Variants in KIAA1614 observed in about 807,000 individuals in gnomAD.
The protein encoded by KIAA1614 is uncharacterized protein KIAA1614.
KIAA1614 carries 76 observed loss-of-function variants against 88.7 expected under a neutral mutation model. The observed-to-expected ratio is 0.86, with a 90% CI of 0.71 to 1.04. KIAA1614 has a LOEUF of 1.04. Ranked by LOEUF, KIAA1614 falls within the 50% of genes least tolerant of loss-of-function variation. KIAA1614 has a pLI of 0.00. For synonymous variants in KIAA1614, 714 were observed against 675.5 expected (o/e 1.06, Z -0.88); for missense variants, 1,553 against 1,582.5 (o/e 0.98, Z 0.32).
intron 4 of KIAA1614, among the ~76,000 whole-genome samples, chr1:180,928,919 C>G (rs1055080384): frequency 2.6e-5 from 4 of 152,184 alleles, no homozygotes; most frequent in African/African-American, 9.7e-5. Context: ...ACTGTTAACT[C>G]CACCTGGAAA....
rs1217741529 is a variant in KIAA1614 at position 180,948,824 on chromosome 1, G to C, written c.*3236G>C. 2 of 152,294 alleles carry C rather than the reference G, an allele frequency of 1.3e-5. No homozygotes were observed. The highest frequency in any genetic ancestry group is 3.8e-4 in the East Asian group (2 of 5,204). The allele number at this position is 152,294 out of a possible 1,614,324, so 9.4% of individuals were successfully genotyped here. A position where few individuals can be genotyped will look rare whatever the true frequency, so the allele number is the denominator to read the frequency against. On this transcript the variant is annotated 3_prime_UTR_variant, in exon 9 of 9. Coordinates refer to ENST00000367588, the MANE Select transcript of KIAA1614 (RefSeq NM_020950.2). ...TCGGCTTGGCCAAGAAGCAACAAAA[G>C]GGATTCTACACCTCAGACCAGGGAG...
chr1:180,945,229 T>C (rs2102278168), intron 8 of KIAA1614, 74 bp from the exon 9 acceptor site: 1 of 1,476,244 alleles, frequency 6.8e-7, no homozygotes, highest in South Asian at 1.3e-5. Context: ...GCATCGGTCA[T>C]CTGTAAGCCA....
chr1:180,936,789 A>C, intron 5 of KIAA1614, 119 bp downstream of exon 5: 1 of 646,118 alleles, frequency 1.5e-6, no homozygotes, highest in Non-Finnish European at 2.5e-6. Context: ...CTCAATAGTC[A>C]GATGGCAGCG....
Position 180,945,639 on chromosome 1 carries a change from C to T in KIAA1614, c.*51C>T, listed in dbSNP as rs1558074197. ...AGCCTCTGACTACAGGACTAGGCTT[C>T]TCCCCTCAGGGGCTCTTTCTGAATT... On this transcript the variant is annotated 3_prime_UTR_variant, in exon 9 of 9. Coordinates refer to ENST00000367588, the MANE Select transcript of KIAA1614 (RefSeq NM_020950.2). 6.5e-7 allele frequency: 1 copy of T among 1,527,460 alleles called. No individual in the cohort carries two copies. The highest frequency in any genetic ancestry group is 1.3e-5 in the South Asian group (1 of 79,246). The allele number at this position is 1,527,460 out of a possible 1,614,324, so 94.6% of individuals were successfully genotyped here. A position where few individuals can be genotyped will look rare whatever the true frequency, so the allele number is the denominator to read the frequency against.
chr1:180,923,406 G>A (rs1021904622), intron 3 of KIAA1614, among the ~76,000 whole-genome samples: 35 of 152,172 alleles, frequency 2.3e-4, no homozygotes, highest in African/African-American at 8.2e-4. Context: ...AGATTCCAAG[G>A]GTTTAGGAGC....
Position 180,938,687 on chromosome 1 carries a change from G to A in KIAA1614, c.2894G>A (p.Gly965Glu). 1 of 1,614,114 alleles carries A rather than the reference G, an allele frequency of 6.2e-7. No homozygotes were observed. Among genetic ancestry groups the A allele is most frequent in the Non-Finnish European group, 8.5e-7 (1 of 1,179,974 alleles). The change falls in exon 6 of 9, where the codon GGA becomes GAA. Residue 965 changes from glycine to glutamate, a missense_variant. Transcript: ENST00000367588. ...GGAAGCCTGCAGAGGACAGGGTCAG[G>A]ATCTGGAGGACATGTGCTGTCAAGG... Reference protein sequence around the residue: ...SEGSLQRTGSGSGGHVLSRAS... With the variant: ...SEGSLQRTGSESGGHVLSRAS...
At position 180,936,302 on chromosome 1, in the gene KIAA1614, C is replaced by G; in HGVS notation, c.2393C>G (p.Thr798Arg). ...PSAPHQAWQP[T>R]ASLCPEGWAP... Reference sequence around the variant, plus strand: ...GCCCCACACCAAGCCTGGCAGCCAACAGCTTCCTTGTGTCCTGAAGGCTGG... The same window carrying G: ...GCCCCACACCAAGCCTGGCAGCCAAGAGCTTCCTTGTGTCCTGAAGGCTGG... Residue 798 changes from threonine to arginine, a missense_variant, in exon 5 of 9, where the codon ACA (threonine) becomes AGA (arginine). Thr to Arg is a moderately conservative substitution (Grantham distance 71). Transcript: ENST00000367588. 1 of 1,614,212 alleles carries G rather than the reference C, an allele frequency of 6.2e-7. No homozygotes were observed. The highest frequency in any genetic ancestry group is 2.2e-5 in the East Asian group (1 of 44,882).
chr1:180,921,870 G>A (rs1653959998), intron 3 of KIAA1614, among the ~76,000 whole-genome samples: 1 of 152,216 alleles, frequency 6.6e-6, no homozygotes, highest in Admixed American at 6.5e-5. Flanking sequence ...CCGCGCTCAG[G>A]CTCTCTCTGT....
intron 2 of KIAA1614, 100 bp downstream of exon 2, chr1:180,917,200 A>G: frequency 1.1e-6 from 1 of 884,136 alleles, no homozygotes; most frequent in Non-Finnish European, 1.7e-6. Flanking sequence ...GTGGGGCAGG[A>G]AAGGAGGGAG....
intron 3 of KIAA1614, among the ~76,000 whole-genome samples, chr1:180,923,781 C>A (rs944069628): frequency 4.6e-5 from 7 of 152,068 alleles, no homozygotes; most frequent in Non-Finnish European, 1.0e-4. Context: ...CTCCCACCAT[C>A]CCAGCACCAC....
At chr1:180,940,371 T>C (rs1168792104) in intron 6 of KIAA1614, among the ~76,000 whole-genome samples, 1 of 152,090 alleles carries the variant, frequency 6.6e-6, no homozygotes, top group Non-Finnish European at 1.5e-5. Context: ...CGTGGTGGTG[T>C]GTGCCTGCAA....
Position 180,933,068 on chromosome 1 carries a change from G to A in KIAA1614, c.1206-2047G>A, listed in dbSNP as rs369728437. 5.9e-5 allele frequency among the ~76,000 whole-genome samples: 9 copies of A among 152,160 alleles called. No homozygotes were observed. The South Asian group carries it at 8.3e-4, about 14-fold the overall frequency. The stretch of plus-strand genomic sequence containing the variant: ...AGGAGTTCTTTTTAAAAAAAATTTC[G>A]TTCTGGAGCAGTGCTTATGGGGGGA... On this transcript the variant is annotated intron_variant, in intron 4 of 8. Coordinates refer to ENST00000367588, the MANE Select transcript of KIAA1614 (RefSeq NM_020950.2).
intron 5 of KIAA1614, among the ~76,000 whole-genome samples, chr1:180,938,168 C>T (rs914009747): frequency 1.3e-5 from 2 of 152,200 alleles, no homozygotes; most frequent in African/African-American, 4.8e-5. Context: ...CCCAGGAATA[C>T]AAAATTTTCC....
chr1:180,928,363 C>T, intron 3 of KIAA1614, 67 bp from the exon 4 acceptor site: 1 of 1,432,762 alleles, frequency 7.0e-7, no homozygotes, highest in South Asian at 1.5e-5. Flanking sequence ...CTGCTAAAGC[C>T]CTCCTAATCT....
At position 180,945,371 on chromosome 1, in the gene KIAA1614, C is replaced by T; in HGVS notation, c.3356C>T (p.Thr1119Ile). ...GTGGGTGCTCCCAGCCTGGCTCGCA[C>T]CGTGGGCCGCCTGGTGGAGGTGTTC... is the stretch of plus-strand genomic sequence containing the variant. ...EDVGAPSLAR[T>I]VGRLVEVFPD... The change falls in exon 9 of 9, where the codon ACC becomes ATC. Residue 1119 changes from threonine to isoleucine, a missense_variant. Physicochemically the swap from Thr to Ile is moderately conservative, Grantham distance 89. Coordinates refer to ENST00000367588, the MANE Select transcript of KIAA1614 (RefSeq NM_020950.2). 6.3e-7 allele frequency: 1 copy of T among 1,599,292 alleles called. No individual in the cohort carries two copies. Among genetic ancestry groups the T allele is most frequent in the Non-Finnish European group, 8.5e-7 (1 of 1,175,636 alleles).
intron 6 of KIAA1614, among the ~76,000 whole-genome samples, chr1:180,940,601 C>G (rs1654434046): frequency 6.6e-6 from 1 of 152,142 alleles, no homozygotes; most frequent in African/African-American, 2.4e-5. Flanking sequence ...AAAAGCAACC[C>G]AAGCAGAGTA....
chr1:180,918,996 A>G (rs574351821), intron 3 of KIAA1614, among the ~76,000 whole-genome samples: 4 of 152,218 alleles, frequency 2.6e-5, no homozygotes, highest in Admixed American at 2.6e-4. Flanking sequence ...GGTGGAGGAA[A>G]GGGCAAGGCA....
Position 180,935,010 on chromosome 1 carries a change from G to T in KIAA1614, c.1206-105G>T. ...CCTTGTGGGTTGCGGTTGCCACAGA[G>T]CACGGTGGGAGACTGTAGCCCAGGG... On this transcript the variant is annotated intron_variant, in intron 4 of 8. Coordinates refer to ENST00000367588, the MANE Select transcript of KIAA1614 (RefSeq NM_020950.2). The surrounding 1 kb of genome is among the most constrained non-coding windows in gnomAD (Gnocchi z 6.1). 1.2e-6 allele frequency: 1 copy of T among 839,588 alleles called. No individual in the cohort carries two copies. Among genetic ancestry groups the T allele is most frequent in the Non-Finnish European group, 1.6e-6 (1 of 613,672 alleles). 52.0% of individuals were successfully genotyped at this position (839,588 alleles called of 1,614,324 possible).
chr1:180,916,291 G>T lies in KIAA1614; in HGVS notation c.188G>T (p.Ser63Ile), dbSNP rs1187657467. Reference sequence around the variant, plus strand: ...TGCCCTCAGGAAAACAGAACATCCAGCCTGATGGCCCCCCAGCCTCCCAGG... The same window carrying T: ...TGCCCTCAGGAAAACAGAACATCCATCCTGATGGCCCCCCAGCCTCCCAGG... ...WPCPQENRTS[S>I]LMAPQPPRVW... The change falls in exon 2 of 9, where the codon AGC (serine) becomes ATC (isoleucine). Residue 63 changes from serine to isoleucine, a missense_variant. Physicochemically the swap from Ser to Ile is moderately radical, Grantham distance 142. Transcript: ENST00000367588. 6.2e-7 allele frequency: 1 copy of T among 1,613,952 alleles called. No individual in the cohort carries two copies. Among genetic ancestry groups the T allele is most frequent in the Non-Finnish European group, 8.5e-7 (1 of 1,179,980 alleles).
Sources: gnomAD v4.1 joint callset for allele counts (sites outside exome capture counted in the v4.1 genomes callset) on GRCh38, gnomAD v4.1.1 for gene constraint, Gnocchi (gnomAD v3.1) non-coding constraint, MANE v1.5 for transcripts, NCBI Gene and HGNC (gene_info 2026-07-23, HGNC 2026-07-21) for gene names.